The following AFAP1L1 variants were observed in gnomAD, a reference collection of about 807,000 sequenced individuals.
The protein encoded by AFAP1L1 is actin filament associated protein 1 like 1.
In AFAP1L1, 77 loss-of-function variants were observed where a neutral mutation model predicts 99.8. The ratio of observed to expected loss-of-function variants is 0.77; its 90% CI spans 0.64 to 0.93. The LOEUF (loss-of-function observed/expected upper bound fraction) is 0.93. AFAP1L1 is among the 40% of genes least tolerant of loss of function. The pLI is 0.00. For missense variants in AFAP1L1, 893 were observed against 996.8 expected (o/e 0.90, Z 1.40); for synonymous variants, 373 against 395.3 (o/e 0.94, Z 0.67).
intron 4 of AFAP1L1, 76 bp from the exon 5 acceptor site, chr5:149,302,342 C>A: frequency 9.2e-7 from 1 of 1,083,522 alleles, no homozygotes. Context: ...TCTGCGAGCT[C>A]CTGCCTCCCT....
At chr5:149,272,460 A>C (rs934401247) in intron 1 of AFAP1L1, among the ~76,000 whole-genome samples, 1 of 152,150 alleles carries the variant, frequency 6.6e-6, no homozygotes, top group African/African-American at 2.4e-5. Context: ...GTGTGCATGC[A>C]TGTGTGCGCC....
intron 16 of AFAP1L1, among the ~76,000 whole-genome samples, chr5:149,331,955 G>C (rs1220398336): frequency 6.6e-6 from 1 of 152,094 alleles, no homozygotes; most frequent in Non-Finnish European, 1.5e-5. Context: ...CCACCGCAGA[G>C]CCCTCTGGAT....
intron 1 of AFAP1L1, among the ~76,000 whole-genome samples, chr5:149,295,629 A>C (rs1755992198): frequency 6.6e-6 from 1 of 150,888 alleles, no homozygotes; most frequent in African/African-American, 2.4e-5. Flanking sequence ...AAGGGAGGGA[A>C]GTGGGGAAGG....
At chr5:149,309,134 T>G (rs1007448743) in intron 7 of AFAP1L1, among the ~76,000 whole-genome samples, 24 of 152,248 alleles carry the variant, frequency 1.6e-4, no homozygotes, top group Middle Eastern at 3.4e-3. Flanking sequence ...AATAATAATT[T>G]ACCATTCAGG....
Position 149,271,981 on chromosome 5 carries a change from C to G in AFAP1L1, c.13C>G (p.Gln5Glu). 8.1e-7 allele frequency: 1 copy of G among 1,238,366 alleles called. No homozygotes were observed. 76.7% of individuals were successfully genotyped at this position (1,238,366 alleles called of 1,614,324 possible). A position where few individuals can be genotyped will look rare whatever the true frequency, so the allele number is the denominator to read the frequency against. The stretch of plus-strand genomic sequence containing the variant: ...CCGGGCCGGCGCCATGGACCGAGGC[C>G]AGGGTAAGAGGGGCCGCGACGCCCG... Reference protein sequence around the residue: MDRGQVLEQLLPELT... With the variant: MDRGEVLEQLLPELT... The change falls in exon 1 of 19, where the codon CAG becomes GAG. Residue 5 changes from glutamine (Q) to glutamate (E), a missense_variant. Gln to Glu is a conservative substitution (Grantham distance 29). Coordinates refer to ENST00000296721, the MANE Select transcript of AFAP1L1 (RefSeq NM_152406.4).
At chr5:149,280,603 T>C (rs17709557) in intron 1 of AFAP1L1, among the ~76,000 whole-genome samples, 12,223 of 152,248 alleles carry the variant, frequency 0.08, 660 homozygotes, top group Middle Eastern at 0.23. Flanking sequence ...GTTCTGTCTT[T>C]CACACTTTTC....
Position 149,341,768 on chromosome 5 carries a change from T to TA in AFAP1L1, c.*1749dup, listed in dbSNP as rs562263382. 9.4e-3 allele frequency: 1,372 copies of TA among 146,030 alleles called. 13 individuals are homozygous for TA. The highest frequency in any genetic ancestry group is 0.03 in the African/African-American group (1,210 of 40,048). The allele number at this position is 146,030 out of a possible 1,614,324, so 9.0% of individuals were successfully genotyped here. A position where few individuals can be genotyped will look rare whatever the true frequency, so the allele number is the denominator to read the frequency against. ...AAGCAAATAGCAAGACCCCATCTAT[T>TA]AAAAAAAAAAAGTGGCTATTATTAG... On this transcript the variant is annotated 3_prime_UTR_variant, in exon 19 of 19. Transcript: ENST00000296721.
At chr5:149,299,452 C>A (rs1026292447) in intron 1 of AFAP1L1, 57 bp from the exon 2 acceptor site, 4 of 1,599,048 alleles carry the variant, frequency 2.5e-6, no homozygotes, top group Non-Finnish European at 3.4e-6. Flanking sequence ...GCCGAACTCC[C>A]GGGCACAGAG....
In AFAP1L1 at chr5:149,299,500, C is replaced by T. The variant is rs1581308661; in HGVS notation, c.17-9C>T. The T allele has an allele frequency of 1.9e-6, 3 of 1,613,978 alleles. No individual in the cohort carries two copies. The East Asian group carries it at 6.7e-5, about 36-fold the overall frequency. ...AGCTGTGACTGTGCCCGTCTGCCTT[C>T]CTCCGCAGTGCTGGAGCAGCTGCTC... On this transcript the variant is annotated splice_polypyrimidine_tract_variant and intron_variant, in intron 1 of 18. Coordinates refer to ENST00000296721, the MANE Select transcript of AFAP1L1 (RefSeq NM_152406.4).
intron 16 of AFAP1L1, 30 bp from the exon 17 acceptor site, chr5:149,332,665 G>A: frequency 6.2e-7 from 1 of 1,600,356 alleles, no homozygotes; most frequent in Non-Finnish European, 8.5e-7. Context: ...GTCAGGTTCA[G>A]CTTTTTCTTA....
chr5:149,283,057 G>A (rs954684204), intron 1 of AFAP1L1, among the ~76,000 whole-genome samples: 3 of 151,198 alleles, frequency 2.0e-5, no homozygotes, highest in African/African-American at 7.3e-5. Context: ...AGATCCCATA[G>A]GCTTCATCAG....
At chr5:149,302,789 A>C in intron 5 of AFAP1L1, 1 of 362,910 alleles carries the variant, frequency 2.8e-6, no homozygotes, top group South Asian at 4.9e-5. Context: ...TGCCCTCTGG[A>C]TCTCTGTGCT....
At chr5:149,294,770 A>G (rs1755966645) in intron 1 of AFAP1L1, among the ~76,000 whole-genome samples, 1 of 151,604 alleles carries the variant, frequency 6.6e-6, no homozygotes, top group Non-Finnish European at 1.5e-5. Flanking sequence ...AGAGCACTCC[A>G]CTGGAGGGCT....
rs749343141 is a variant in AFAP1L1 at position 149,302,423 on chromosome 5, C to T, written c.333C>T (p.Ala111=). The change falls in exon 5 of 19, where the codon GCC becomes GCT. Residue 111 remains alanine, a synonymous_variant. Transcript: ENST00000296721. ...TCTTTTTTGTCCCCTTGCAGGCGGCCGACCTGCCTCCACCGCTCCCCAACA... is the reference window on the plus strand; with the variant it reads ...TCTTTTTTGTCCCCTTGCAGGCGGCTGACCTGCCTCCACCGCTCCCCAACA... ...LAKSPRLRNA[A]DLPPPLPNKP... 7.0e-6 allele frequency: 11 copies of T among 1,581,138 alleles called. No homozygotes were observed. Among genetic ancestry groups the T allele is most frequent in the South Asian group, 3.5e-5 (3 of 86,118 alleles).
chr5:149,337,176 A>G (rs1043756194), intron 18 of AFAP1L1, among the ~76,000 whole-genome samples: 8 of 152,206 alleles, frequency 5.3e-5, no homozygotes, highest in Non-Finnish European at 8.8e-5. Context: ...GATGTTGGTC[A>G]AAGGATACAA....
intron 8 of AFAP1L1, among the ~76,000 whole-genome samples, chr5:149,311,317 G>A (rs1247744723): frequency 4.6e-5 from 7 of 152,134 alleles, no homozygotes; most frequent in Non-Finnish European, 1.0e-4. Context: ...TGGTTGGGTC[G>A]GCAGACGAAT....
chr5:149,278,080 G>A (rs563053511), intron 1 of AFAP1L1, among the ~76,000 whole-genome samples: 3 of 152,140 alleles, frequency 2.0e-5, no homozygotes, highest in East Asian at 1.9e-4. Context: ...AGAACATATC[G>A]TTACTCCATT....
At chr5:149,336,839 A>T (rs1040626232) in intron 18 of AFAP1L1, among the ~76,000 whole-genome samples, 2 of 152,198 alleles carry the variant, frequency 1.3e-5, no homozygotes, top group African/African-American at 4.8e-5. Flanking sequence ...TTAAATTTCA[A>T]CATCAGTTTT....
intron 11 of AFAP1L1, 69 bp from the exon 12 acceptor site, chr5:149,317,660 G>A: frequency 1.3e-6 from 2 of 1,548,786 alleles, no homozygotes; most frequent in Admixed American, 3.6e-5. Context: ...GCAGACACAT[G>A]GAGCCGCCTT....
Sources: gnomAD v4.1 joint callset for allele counts (sites outside exome capture counted in the v4.1 genomes callset) on GRCh38, gnomAD v4.1.1 for gene constraint, MANE v1.5 for transcripts, NCBI Gene and HGNC (gene_info 2026-07-23, HGNC 2026-07-21) for gene names.